The following SYNE2 variants were observed in gnomAD, a reference collection of about 807,000 sequenced individuals.
The protein encoded by SYNE2 is spectrin repeat containing nuclear envelope protein 2, also known as nesprin-2.
In SYNE2, 431 loss-of-function variants were observed where a neutral mutation model predicts 856.3. The observed-to-expected ratio is 0.50, with a 90% CI of 0.47 to 0.55. The LOEUF is 0.55. Among genes scored for constraint, SYNE2 ranks in the 20% least tolerant of loss-of-function variants. SYNE2 has a pLI of 0.00. For missense variants in SYNE2, 8,129 were observed against 8,023.2 expected, an observed-to-expected ratio of 1.01 and a Z score of -0.50; for synonymous variants, 2,923 against 2,872.3, an observed-to-expected ratio of 1.02 and a Z score of -0.56.
chr14:63,790,692 G>A (rs947072454), intron 1 of SYNE2, among the ~76,000 whole-genome samples: 1 of 152,160 alleles, frequency 6.6e-6, no homozygotes, highest in Non-Finnish European at 1.5e-5. Flanking sequence ...TCAGTAGAAG[G>A]ATCACACAGT....
intron 1 of SYNE2, among the ~76,000 whole-genome samples, chr14:63,895,590 CA>C (rs34613830): frequency 0.13 from 11,324 of 88,420 alleles, 574 homozygotes; most frequent in African/African-American, 0.21. Flanking sequence ...CTGTCTCTAT[CA>C]AAAAAAAAAA....
chr14:64,137,974 A>G lies in SYNE2; in HGVS notation c.14834A>G (p.His4945Arg), dbSNP rs749196037. The G allele has an allele frequency of 1.9e-6, 3 of 1,613,742 alleles. No homozygotes were observed. The highest frequency in any genetic ancestry group is 1.3e-5 in the African/African-American group (1 of 75,044). ...CACAGGCTGCAAGCTCTTCTCAAGC[A>G]TCTGCTCAGGTCAGCCTTTTTGGGG... ...ELHRLQALLK[H>R]LLSYNRDSDQ... Residue 4945 changes from histidine to arginine, a missense_variant, in exon 79 of 116, where the codon CAT (histidine) becomes CGT (arginine). Coordinates refer to ENST00000555002, the MANE Select transcript of SYNE2 (RefSeq NM_182914.3).
In SYNE2 at chr14:64,059,466, A is replaced by G. The variant is rs373994861; in HGVS notation, c.10067+3200A>G. ...GTGGTCTTGTATAAGATCTGGAGTA[A>G]TTCTCTGGATTAAGAGGCAGAGACT... On this transcript the variant is annotated intron_variant, in intron 49 of 115. Transcript: ENST00000555002. Among the ~76,000 whole-genome samples the G allele has an allele frequency of 2.8e-4, 43 of 152,324 alleles. No homozygotes were observed. In the South Asian group the frequency reaches 8.9e-3, roughly 32 times the overall value.
chr14:64,165,370 G>C lies in SYNE2; in HGVS notation c.16565G>C (p.Arg5522Thr). 1 of 1,613,902 alleles carries C rather than the reference G, an allele frequency of 6.2e-7. No individual in the cohort carries two copies. Residue 5522 changes from arginine (R) to threonine (T), a missense_variant, in exon 90 of 116, where the codon AGA becomes ACA. By Grantham distance (71) the Arg-to-Thr change is moderately conservative. Coordinates refer to ENST00000555002, the MANE Select transcript of SYNE2 (RefSeq NM_182914.3). ...ATGCATGAAGAAGAGAATTTGGATAGACTTCACCAACAGGAAAAAGAAAAT... is the reference window on the plus strand; with the variant it reads ...ATGCATGAAGAAGAGAATTTGGATACACTTCACCAACAGGAAAAAGAAAAT... ...LIMHEEENLD[R>T]LHQQEKENPD...
Position 64,010,088 on chromosome 14 carries a change from A to G in SYNE2, c.4700A>G (p.Lys1567Arg), listed in dbSNP as rs1336937395. Residue 1567 changes from lysine to arginine, a missense_variant, in exon 32 of 116, where the codon AAG becomes AGG. Coordinates refer to ENST00000555002, the MANE Select transcript of SYNE2 (RefSeq NM_182914.3). ...VISLQASYMG[K>R]ENLKKRIAEI... ...TCCCTGCAGGCTTCGTACATGGGAA[A>G]GGAGAACCTGAAGAAAAGGATAGCA... 2 of 1,613,538 alleles carry G rather than the reference A, an allele frequency of 1.2e-6. No individual in the cohort carries two copies. Among genetic ancestry groups the G allele is most frequent in the Non-Finnish European group, 1.7e-6 (2 of 1,179,742 alleles).
At chr14:63,805,613 G>C (rs1029440920) in intron 1 of SYNE2, among the ~76,000 whole-genome samples, 3 of 147,076 alleles carry the variant, frequency 2.0e-5, no homozygotes, top group African/African-American at 7.5e-5. Context: ...CTGACCTCGT[G>C]ATCCGCCCGC....
At position 64,141,569 on chromosome 14, in the gene SYNE2, G is replaced by T. The variant is rs775447045; in HGVS notation, c.15159+46G>T. On this transcript the variant is annotated intron_variant, in intron 81 of 115. Transcript: ENST00000555002. Reference sequence around the variant, plus strand: ...CATTTGAATTAGCATTCACTTGTTAGCTCATAACTCTTTTAAAATTATTTC... The same window carrying T: ...CATTTGAATTAGCATTCACTTGTTATCTCATAACTCTTTTAAAATTATTTC... The T allele has an allele frequency of 3.8e-6, 6 of 1,577,924 alleles. No homozygotes were observed. The South Asian group carries it at 6.7e-5, about 18-fold the overall frequency.
chr14:63,797,816 AC>A (rs1335937270), intron 1 of SYNE2, among the ~76,000 whole-genome samples: 1 of 152,242 alleles, frequency 6.6e-6, no homozygotes, highest in African/African-American at 2.4e-5. Flanking sequence ...AAATCTTAGC[AC>A]AATACCTTGC....
At chr14:64,019,130 G>T (rs1362802438) in intron 34 of SYNE2, among the ~76,000 whole-genome samples, 1 of 152,082 alleles carries the variant, frequency 6.6e-6, no homozygotes, top group Non-Finnish European at 1.5e-5. Context: ...AATATTAGCT[G>T]GGTGTGGTGG....
intron 60 of SYNE2, 138 bp from the exon 61 acceptor site, chr14:64,093,211 A>G: frequency 1.0e-6 from 1 of 965,108 alleles, no homozygotes; most frequent in East Asian, 2.6e-5. Flanking sequence ...TGTTTAGGCT[A>G]CCACGTCCTA....
intron 32 of SYNE2, among the ~76,000 whole-genome samples, chr14:64,011,682 C>T (rs1254941364): frequency 1.3e-5 from 2 of 152,188 alleles, no homozygotes; most frequent in African/African-American, 4.8e-5. Context: ...TGGCACCTTT[C>T]CTTAGCCCTG....
At position 64,119,604 on chromosome 14, in the gene SYNE2, G is replaced by A; in HGVS notation, c.13018G>A (p.Asp4340Asn). 6.2e-7 allele frequency: 1 copy of A among 1,614,048 alleles called. No individual in the cohort carries two copies. The highest frequency in any genetic ancestry group is 2.2e-5 in the East Asian group (1 of 44,866). Reference protein sequence around the residue: ...QMMLQEKHSEDQHPTILKKSS... With the variant: ...QMMLQEKHSENQHPTILKKSS... ...GATGCTTCAGGAGAAGCACAGTGAA[G>A]ATCAGGTAAAAAATGACTATCTATG... The change falls in exon 67 of 116, where the codon GAT (aspartate) becomes AAT (asparagine). Residue 4340 changes from aspartate (D) to asparagine (N), a missense_variant. Physicochemically the swap from Asp to Asn is conservative, Grantham distance 23. This residue lies in a region of SYNE2 where 5,410 missense variants were observed against 5,284.8 expected (regional missense o/e 1.02). Transcript: ENST00000555002.
intron 1 of SYNE2, among the ~76,000 whole-genome samples, chr14:63,881,182 T>C (rs2094855229): frequency 6.6e-6 from 1 of 151,798 alleles, no homozygotes; most frequent in Non-Finnish European, 1.5e-5. Context: ...TTTCTGTGTG[T>C]TGGCTAGGCT....
At position 64,158,958 on chromosome 14, in the gene SYNE2, C is replaced by T. The variant is rs146713999; in HGVS notation, c.15963+163C>T. ...TAACTGGAAATTCCAAAATAAGTCA[C>T]ATGAGCCAAATCAGTAAAACATTGT... On this transcript the variant is annotated intron_variant, in intron 86 of 115. Coordinates refer to ENST00000555002, the MANE Select transcript of SYNE2 (RefSeq NM_182914.3). Among the ~76,000 whole-genome samples, 371 of 152,166 alleles carry T rather than the reference C, an allele frequency of 2.4e-3. 1 individual carries two copies. Among genetic ancestry groups the T allele is most frequent in the African/African-American group, 8.6e-3 (357 of 41,518 alleles).
chr14:64,186,403 CCTT>C lies in SYNE2; in HGVS notation c.17557-17_17557-15del, dbSNP rs781761095. ...CGCTTGAGTTGAAGGCTTTTTACCC[CCTT>C]CTTGTGATTAAATGCAGGAACTAGA... On this transcript the variant is annotated intron_variant, in intron 96 of 115. Coordinates refer to ENST00000555002, the MANE Select transcript of SYNE2 (RefSeq NM_182914.3). 277 of 1,614,036 alleles carry C rather than the reference CCTT, an allele frequency of 1.7e-4. No individual in the cohort carries two copies. The highest frequency in any genetic ancestry group is 2.2e-4 in the Non-Finnish European group (261 of 1,179,962).
intron 1 of SYNE2, among the ~76,000 whole-genome samples, chr14:63,888,332 A>G (rs1354556524): frequency 2.6e-5 from 4 of 152,092 alleles, no homozygotes; most frequent in African/African-American, 9.6e-5. Context: ...GGTGGGGGGC[A>G]CCGTCCTTCA....
At chr14:63,880,927 A>G (rs577426023) in intron 1 of SYNE2, among the ~76,000 whole-genome samples, 1 of 151,398 alleles carries the variant, frequency 6.6e-6, no homozygotes, top group African/African-American at 2.4e-5. Flanking sequence ...GCTCACTGCA[A>G]CCTCTCTCTC....
chr14:64,213,527 C>T (rs1016979265), intron 105 of SYNE2, among the ~76,000 whole-genome samples: 3 of 152,180 alleles, frequency 2.0e-5, no homozygotes, highest in Middle Eastern at 3.2e-3. Context: ...CTGTTCAAAG[C>T]GTACTGCCTT....
At chr14:64,188,069 T>C (rs74803604) in intron 97 of SYNE2, among the ~76,000 whole-genome samples, 7,911 of 152,308 alleles carry the variant, frequency 0.052, 279 homozygotes, top group Non-Finnish European at 0.072. Flanking sequence ...TTTTGAAGCA[T>C]AACACTAAGG....
Sources: gnomAD v4.1 joint callset for allele counts (sites outside exome capture counted in the v4.1 genomes callset) on GRCh38, gnomAD v4.1.1 for gene constraint, gnomAD v4.1.1 regional missense constraint, MANE v1.5 for transcripts, NCBI Gene and HGNC (gene_info 2026-07-23, HGNC 2026-07-21) for gene names.